Variants in TTC7A observed in about 807,000 individuals in gnomAD.
The protein encoded by TTC7A is tetratricopeptide repeat protein 7A.
A neutral mutation model predicts 103.7 loss-of-function variants in TTC7A; 110 were observed. That is an observed-to-expected ratio of 1.06 (90% CI 0.91 to 1.24). TTC7A has a LOEUF of 1.24. Among genes scored for constraint, TTC7A ranks in the 50% most tolerant of loss-of-function variants. The pLI, the probability that TTC7A is intolerant of heterozygous loss-of-function variation, is 0.00. For synonymous variants in TTC7A, 521 were observed against 467.9 expected (o/e 1.11, Z -1.47); for missense variants, 1,340 against 1,116.3 (o/e 1.20, Z -2.86).
intron 17 of TTC7A, 165 bp downstream of exon 17, chr2:47,050,211 G>C: frequency 1.6e-6 from 1 of 629,238 alleles, no homozygotes; most frequent in South Asian, 1.8e-5. Context: ...TTGGCTCTGG[G>C]TAGGGGCTGG....
chr2:46,938,291 G>A (rs1216825850), upstream of TTC7A, among the ~76,000 whole-genome samples: 1 of 152,142 alleles, frequency 6.6e-6, no homozygotes, highest in African/African-American at 2.4e-5. Flanking sequence ...CAAACTTGAT[G>A]GATATAGGAA....
rs1490416522 is a variant in TTC7A at position 46,972,370 on chromosome 2, T to TA, written c.518-2597dup. ...CTTAAATAAAAATTTTAAATCGCAG[T>TA]AAAAAAGCCCCATACAACATAAAAT... On this transcript the variant is annotated intron_variant, in intron 3 of 19. Coordinates refer to ENST00000319190, the MANE Select transcript of TTC7A (RefSeq NM_020458.4). Among the ~76,000 whole-genome samples the TA allele has an allele frequency of 2.6e-5, 4 of 152,308 alleles. No homozygotes were observed. In the South Asian group the frequency reaches 6.2e-4, roughly 24 times the overall value.
chr2:46,974,863 T>C, intron 3 of TTC7A, 110 bp from the exon 4 acceptor site: 2 of 1,464,528 alleles, frequency 1.4e-6, no homozygotes, highest in Non-Finnish European at 1.9e-6. Context: ...TCCTCCTGGC[T>C]GCACCAGAGT....
At chr2:46,970,512 AG>A (rs1434311261) in intron 3 of TTC7A, among the ~76,000 whole-genome samples, 1 of 152,208 alleles carries the variant, frequency 6.6e-6, no homozygotes. Flanking sequence ...CTGGACCCGG[AG>A]GTGTGGCAGG....
At chr2:47,013,386 GAT>G (rs2104498113) in intron 11 of TTC7A, among the ~76,000 whole-genome samples, 1 of 152,326 alleles carries the variant, frequency 6.6e-6, no homozygotes, top group South Asian at 2.1e-4. Flanking sequence ...AGAGGGTGGA[GAT>G]ATGAGCCAGA....
chr2:47,008,633 A>AC (rs1489356083), intron 10 of TTC7A, among the ~76,000 whole-genome samples: 2 of 151,934 alleles, frequency 1.3e-5, no homozygotes, highest in African/African-American at 2.4e-5. Flanking sequence ...AGCATTCTCC[A>AC]CCCCCCTTGG....
intron 4 of TTC7A, among the ~76,000 whole-genome samples, chr2:46,976,056 C>T (rs1036235293): frequency 6.6e-6 from 1 of 152,100 alleles, no homozygotes; most frequent in Admixed American, 6.6e-5. Flanking sequence ...CCCTCCGCAT[C>T]TTAATACTAT....
Position 47,068,285 on chromosome 2 carries a change from A to G in TTC7A, c.2356-5417A>G, listed in dbSNP as rs142120992. 7.9e-5 allele frequency: 12 copies of G among 152,206 alleles called. No individual in the cohort carries two copies. The East Asian group carries it at 2.3e-3, about 29-fold the overall frequency. 9.4% of individuals were successfully genotyped at this position (152,206 alleles called of 1,614,324 possible). A position where few individuals can be genotyped will look rare whatever the true frequency, so the allele number is the denominator to read the frequency against. On this transcript the variant is annotated intron_variant, in intron 19 of 19. Coordinates refer to ENST00000319190, the MANE Select transcript of TTC7A (RefSeq NM_020458.4). Reference sequence around the variant, plus strand: ...GGGCTCAGTGCACAAACAGCAGGGTACCGGGTTCCTGGGGCCAGTGGCCTC... The same window carrying G: ...GGGCTCAGTGCACAAACAGCAGGGTGCCGGGTTCCTGGGGCCAGTGGCCTC...
In TTC7A at chr2:46,923,270, C is replaced by T. The variant is rs1478295773; in HGVS notation, c.82+5993C>T. Among the ~76,000 whole-genome samples the T allele has an allele frequency of 3.3e-5, 5 of 152,208 alleles. No individual in the cohort carries two copies. In the East Asian group the frequency reaches 7.7e-4, roughly 23 times the overall value. ...TTGGTGATCAACTTAACCTTCAGCC[C>T]CTCTCTCCTCCCTGGAGGTTGGAGG... is the stretch of plus-strand genomic sequence containing the variant. On this transcript the variant is annotated intron_variant, in intron 2 of 20. Coordinates refer to the TTC7A transcript ENST00000409245.
chr2:47,011,424 T>C lies in TTC7A; in HGVS notation c.1381T>C (p.Ser461Pro), dbSNP rs1416197392. 13 of 1,606,700 alleles carry C rather than the reference T, an allele frequency of 8.1e-6. No homozygotes were observed. The highest frequency in any genetic ancestry group is 1.1e-5 in the Non-Finnish European group (13 of 1,179,586). ...PLMAAKVCIGSLRWLEEAEHF... is the reference protein window; with the variant it reads ...PLMAAKVCIGPLRWLEEAEHF... ...GATGGCCGCGAAGGTCTGCATCGGG[T>C]CCCTTCGCTGGGTGAGTGAGCTGTG... The change falls in exon 11 of 20, where the codon TCC becomes CCC. Residue 461 changes from serine (S) to proline (P), a missense_variant. Physicochemically the swap from Ser to Pro is moderately conservative, Grantham distance 74. Transcript: ENST00000319190.
At chr2:47,028,774 C>T (rs1435676634) in intron 14 of TTC7A, among the ~76,000 whole-genome samples, 1 of 152,176 alleles carries the variant, frequency 6.6e-6, no homozygotes, top group Non-Finnish European at 1.5e-5. Context: ...ACATTAGAGG[C>T]CAGTCTCCCC....
At chr2:46,970,025 C>G (rs1260746786) in intron 3 of TTC7A, among the ~76,000 whole-genome samples, 1 of 152,064 alleles carries the variant, frequency 6.6e-6, no homozygotes, top group Non-Finnish European at 1.5e-5. Context: ...GGGTCTTGTT[C>G]TGTCACCCAG....
chr2:46,976,841 G>T (rs1673933683), intron 4 of TTC7A, among the ~76,000 whole-genome samples: 1 of 152,190 alleles, frequency 6.6e-6, no homozygotes, highest in African/African-American at 2.4e-5. Flanking sequence ...CACTGCTCTA[G>T]AAGATGTCTG....
intron 11 of TTC7A, among the ~76,000 whole-genome samples, chr2:47,013,425 C>T (rs542563799): frequency 2.0e-5 from 3 of 152,206 alleles, no homozygotes; most frequent in Admixed American, 1.3e-4. Flanking sequence ...GGCTCCCCGA[C>T]CCCAACTCAG....
chr2:46,936,941 G>C (rs1246862340), upstream of TTC7A, among the ~76,000 whole-genome samples: 1 of 150,098 alleles, frequency 6.7e-6, no homozygotes, highest in Non-Finnish European at 1.5e-5. Context: ...TGCAACCTCT[G>C]CCTCCTGGGC....
chr2:46,984,203 C>T (rs963617253), intron 5 of TTC7A, among the ~76,000 whole-genome samples: 2 of 152,238 alleles, frequency 1.3e-5, no homozygotes, highest in African/African-American at 2.4e-5. Flanking sequence ...TCTTAGCTGG[C>T]GGTCTTATCT....
Position 47,060,910 on chromosome 2 carries a change from A to C in TTC7A, c.2294A>C (p.Lys765Thr), listed in dbSNP as rs1209150485. Residue 765 changes from lysine to threonine, a missense_variant, in exon 19 of 20, where the codon AAG becomes ACG. By Grantham distance (78) the Lys-to-Thr change is moderately conservative (BLOSUM62 -1). Coordinates refer to ENST00000319190, the MANE Select transcript of TTC7A (RefSeq NM_020458.4). The stretch of plus-strand genomic sequence containing the variant: ...GTGAAGGGCAACCTGGAGGAGGCCA[A>C]GCAGCTGTACAAGGAGGCGCTCACG... Reference protein sequence around the residue: ...AEVKGNLEEAKQLYKEALTVN... With the variant: ...AEVKGNLEEATQLYKEALTVN... 4 of 1,614,070 alleles carry C rather than the reference A, an allele frequency of 2.5e-6. No homozygotes were observed. In the African/African-American group the frequency reaches 4.0e-5, roughly 16 times the overall value.
intron 3 of TTC7A, among the ~76,000 whole-genome samples, chr2:46,973,528 G>A (rs1673564982): frequency 6.6e-6 from 1 of 152,174 alleles, no homozygotes; most frequent in Admixed American, 6.5e-5. Flanking sequence ...TTTCCACCTG[G>A]AGGGAGCTAA....
intron 18 of TTC7A, among the ~76,000 whole-genome samples, chr2:47,055,982 C>A (rs975963660): frequency 1.3e-5 from 2 of 151,938 alleles, no homozygotes; most frequent in Non-Finnish European, 2.9e-5. Context: ...CCCACGTCCT[C>A]CTCTTCCCTG....
Sources: allele counts gnomAD v4.1 joint callset (sites outside exome capture counted in the v4.1 genomes callset), GRCh38; gene constraint gnomAD v4.1.1; transcripts MANE v1.5; gene names NCBI Gene and HGNC (gene_info 2026-07-23, HGNC 2026-07-21).